Variants in SH3RF3 observed in about 807,000 individuals in gnomAD.
SH3RF3 encodes the protein E3 ubiquitin-protein ligase SH3RF3.
Under a neutral mutation model 66.3 loss-of-function variants are expected in SH3RF3, and 29 were observed. The ratio of observed to expected loss-of-function variants is 0.44; its 90% CI spans 0.33 to 0.60. SH3RF3 has a LOEUF of 0.60. Among genes scored for constraint, SH3RF3 ranks in the 20% least tolerant of loss-of-function variants. SH3RF3 has a pLI of 0.04. For synonymous variants in SH3RF3, 583 were observed against 532.0 expected (o/e 1.10, Z -1.32); for missense variants, 1,194 against 1,190.9 (o/e 1.00, Z -0.04).
In SH3RF3 at chr2:109,490,700, C is replaced by G. The variant is rs777084565; in HGVS notation, c.2244C>G (p.Pro748=). 5 of 1,533,754 alleles carry G rather than the reference C, an allele frequency of 3.3e-6. No homozygotes were observed. Among genetic ancestry groups the G allele is most frequent in the African/African-American group, 1.4e-5 (1 of 72,950 alleles). ...CATCTGTGTCTCCAACCCACGACCC[C>G]CAGGTGGCCGTGGACGCCCTGCTCC... ...SPPSVSPTHD[P]QVAVDALLQG... Residue 748 remains proline (P), a synonymous_variant, in exon 9 of 10, where the codon CCC becomes CCG. Coordinates refer to ENST00000309415, the MANE Select transcript of SH3RF3 (RefSeq NM_001099289.3).
At chr2:109,431,269 A>T (rs576180209) in intron 5 of SH3RF3, among the ~76,000 whole-genome samples, 6 of 152,176 alleles carry the variant, frequency 3.9e-5, no homozygotes, top group Non-Finnish European at 5.9e-5. Context: ...CACTGGTGTG[A>T]GGTCCACCAG....
At chr2:109,197,001 G>C (rs368426973) in intron 1 of SH3RF3, among the ~76,000 whole-genome samples, 1 of 152,172 alleles carries the variant, frequency 6.6e-6, no homozygotes, top group African/African-American at 2.4e-5. Context: ...ATTTCCCTTA[G>C]CCCTCACCAT....
rs373729206 is a variant in SH3RF3, at chr2:109,404,954, G to A, written c.1299+6011G>A. Among the ~76,000 whole-genome samples, 11 of 151,716 alleles carry A rather than the reference G, an allele frequency of 7.3e-5. No homozygotes were observed. The South Asian group carries it at 2.3e-3, about 32-fold the overall frequency. Reference sequence around the variant, plus strand: ...TGCCTCTTCTTTCCAGTGGAGCCCCGTCCTGGCCCCTCCTGCCAGACCCTC... The same window carrying A: ...TGCCTCTTCTTTCCAGTGGAGCCCCATCCTGGCCCCTCCTGCCAGACCCTC... On this transcript the variant is annotated intron_variant, in intron 4 of 9. Transcript: ENST00000309415.
intron 4 of SH3RF3, among the ~76,000 whole-genome samples, chr2:109,417,131 T>C (rs1676747140): frequency 6.6e-6 from 1 of 152,186 alleles, no homozygotes; most frequent in Non-Finnish European, 1.5e-5. Flanking sequence ...ACACATTTCT[T>C]CAGTGGCCAC....
intron 5 of SH3RF3, among the ~76,000 whole-genome samples, chr2:109,428,737 G>A (rs1677106707): frequency 6.6e-6 from 1 of 152,358 alleles, no homozygotes; most frequent in Non-Finnish European, 1.5e-5. Context: ...CAGAGGTGAT[G>A]TCTGAGCATG....
chr2:109,486,056 T>C (rs1043499512), intron 8 of SH3RF3, among the ~76,000 whole-genome samples: 1 of 152,224 alleles, frequency 6.6e-6, no homozygotes, highest in African/African-American at 2.4e-5. Flanking sequence ...TTTCAACCCA[T>C]GTGTGTCCCT....
chr2:109,253,030 C>A (rs575067300), intron 1 of SH3RF3, among the ~76,000 whole-genome samples: 7 of 151,028 alleles, frequency 4.6e-5, no homozygotes, highest in African/African-American at 1.7e-4. Flanking sequence ...CTTTTTTTTT[C>A]TTTTTTTTTA....
chr2:109,198,600 G>A (rs1678562560), intron 1 of SH3RF3, among the ~76,000 whole-genome samples: 1 of 152,202 alleles, frequency 6.6e-6, no homozygotes, highest in African/African-American at 2.4e-5. Flanking sequence ...GCTTCCAGCA[G>A]GTCTCATTCC....
At chr2:109,370,223 CTCTG>C (rs1478559240) in intron 2 of SH3RF3, among the ~76,000 whole-genome samples, 3 of 139,114 alleles carry the variant, frequency 2.2e-5, no homozygotes, top group Admixed American at 6.8e-5. Context: ...CTGTCTCTGT[CTCTG>C]TCTCTCTCTC....
intron 8 of SH3RF3, among the ~76,000 whole-genome samples, chr2:109,481,384 C>T (rs1450562712): frequency 6.6e-6 from 1 of 152,206 alleles, no homozygotes; most frequent in Admixed American, 6.5e-5. Flanking sequence ...GGCTATGCTT[C>T]TGGCAGCGTT....
chr2:109,211,720 C>G (rs1300313614), intron 1 of SH3RF3, among the ~76,000 whole-genome samples: 3 of 151,256 alleles, frequency 2.0e-5, no homozygotes, highest in Non-Finnish European at 4.4e-5. Flanking sequence ...TCTTGGCTCA[C>G]TTCAACCTCC....
chr2:109,259,957 C>T (rs576490798), intron 1 of SH3RF3, among the ~76,000 whole-genome samples: 25 of 152,276 alleles, frequency 1.6e-4, no homozygotes, highest in Admixed American at 9.2e-4. Flanking sequence ...TGTTCTCAGA[C>T]GCCCAGGGGT....
At chr2:109,208,790 T>C (rs1678900134) in intron 1 of SH3RF3, among the ~76,000 whole-genome samples, 1 of 152,192 alleles carries the variant, frequency 6.6e-6, no homozygotes, top group Non-Finnish European at 1.5e-5. Flanking sequence ...TAGAAATACA[T>C]GTGTTGAGCA....
intron 1 of SH3RF3, 57 bp from the exon 2 acceptor site, chr2:109,347,617 C>A: frequency 6.3e-7 from 1 of 1,581,086 alleles, no homozygotes; most frequent in East Asian, 2.3e-5. Context: ...GGCAGATCCA[C>A]TGTGGGGCAT....
At chr2:109,325,473 T>C (rs1222125903) in intron 1 of SH3RF3, among the ~76,000 whole-genome samples, 1 of 151,388 alleles carries the variant, frequency 6.6e-6, no homozygotes, top group Admixed American at 6.6e-5. Flanking sequence ...CCTGAGTAGA[T>C]GGGACTACAG....
chr2:109,482,128 G>C (rs898083679), intron 8 of SH3RF3, among the ~76,000 whole-genome samples: 2 of 152,096 alleles, frequency 1.3e-5, no homozygotes, highest in African/African-American at 4.8e-5. Context: ...GGCTTGTGCA[G>C]CTTTTGAGTT....
chr2:109,159,638 G>T (rs1291314569), intron 1 of SH3RF3, among the ~76,000 whole-genome samples: 2 of 152,334 alleles, frequency 1.3e-5, no homozygotes, highest in East Asian at 3.9e-4. Flanking sequence ...TAGGAACTGG[G>T]TTGCACAGCA....
chr2:109,177,513 T>TA (rs2104970632), intron 1 of SH3RF3, among the ~76,000 whole-genome samples: 1 of 152,198 alleles, frequency 6.6e-6, no homozygotes, highest in Non-Finnish European at 1.5e-5. Context: ...GAAGCCACTA[T>TA]TTAACTTCTC....
At chr2:109,466,072 C>CTTTTTT (rs1171998206) in intron 8 of SH3RF3, among the ~76,000 whole-genome samples, 264 of 82,386 alleles carry the variant, frequency 3.2e-3, no homozygotes, top group Non-Finnish European at 4.1e-3. Flanking sequence ...ACCTGTACAT[C>CTTTTTT]TTTTTTTTTT....
Sources: gnomAD v4.1 joint callset for allele counts (sites outside exome capture counted in the v4.1 genomes callset) on GRCh38, gnomAD v4.1.1 for gene constraint, MANE v1.5 for transcripts, NCBI Gene and HGNC (gene_info 2026-07-23, HGNC 2026-07-21) for gene names.